MIPOL1: variants seen among roughly 807,000 people sequenced by gnomAD.
MIPOL1 encodes mirror-image polydactyly 1, also known as mirror-image polydactyly gene 1 protein.
MIPOL1 carries 57 observed loss-of-function variants against 60.9 expected under a neutral mutation model. The observed-to-expected ratio is 0.94, with a 90% confidence interval of 0.76 to 1.17. The LOEUF (loss-of-function observed/expected upper bound fraction) is 1.17, where lower values mean the gene tolerates loss of function less well. Ranked by LOEUF, MIPOL1 falls within the 50% of genes most tolerant of loss-of-function variation. The probability of loss-of-function intolerance (pLI) is 0.00; values close to 1 mark genes in which losing one functional copy is unlikely to be tolerated. For missense variants in MIPOL1, 551 were observed against 511.6 expected (o/e 1.08, Z -0.74); for synonymous variants, 179 against 168.8 (o/e 1.06, Z -0.47).
chr14:37,550,207 ATTTG>A lies in MIPOL1; in HGVS notation c.*3240_*3243del, dbSNP rs1341825142. On this transcript the variant is annotated 3_prime_UTR_variant, in exon 13 of 13. Transcript: ENST00000684589. ...TCTTATCAGGTTGCTTATTTATATA[ATTTG>A]TTTATTTTATTAAAAATCTAGAATA... 2 of 150,978 alleles carry A rather than the reference ATTTG, an allele frequency of 1.3e-5. No individual in the cohort carries two copies. The highest frequency in any genetic ancestry group is 4.8e-5 in the African/African-American group (2 of 41,304). The allele number at this position is 150,978 out of a possible 1,614,324, so 9.4% of individuals were successfully genotyped here. A position where few individuals can be genotyped will look rare whatever the true frequency, so the allele number is the denominator to read the frequency against.
intron 7 of MIPOL1, among the ~76,000 whole-genome samples, chr14:37,297,021 A>G (rs2085791933): frequency 6.6e-6 from 1 of 152,202 alleles, no homozygotes; most frequent in African/African-American, 2.4e-5. Flanking sequence ...ATTTTAGACC[A>G]ATATCCTTGA....
chr14:37,537,797 A>T (rs969473377), intron 12 of MIPOL1, among the ~76,000 whole-genome samples: 2 of 152,198 alleles, frequency 1.3e-5, no homozygotes, highest in Non-Finnish European at 2.9e-5. Flanking sequence ...ATTAAAATTA[A>T]ATTTAAAAAT....
intron 5 of MIPOL1, among the ~76,000 whole-genome samples, chr14:37,270,060 C>T (rs796485848): frequency 1.5e-4 from 23 of 152,198 alleles, no homozygotes; most frequent in African/African-American, 5.3e-4. Flanking sequence ...AACTCCTGAC[C>T]TCAGGTGATC....
chr14:37,297,048 A>C (rs899390069), intron 7 of MIPOL1, among the ~76,000 whole-genome samples: 1 of 152,192 alleles, frequency 6.6e-6, no homozygotes, highest in Non-Finnish European at 1.5e-5. Context: ...TTGATGCAAA[A>C]ATCCTCAATA....
intron 9 of MIPOL1, among the ~76,000 whole-genome samples, chr14:37,334,109 A>G (rs1475867493): frequency 6.6e-6 from 1 of 152,086 alleles, no homozygotes; most frequent in African/African-American, 2.4e-5. Flanking sequence ...GGAAATTTAG[A>G]AAAAATATAA....
chr14:37,426,595 A>ATATATATATATATG, intron 11 of MIPOL1, among the ~76,000 whole-genome samples: 1 of 124,782 alleles, frequency 8.0e-6, no homozygotes, highest in East Asian at 2.7e-4. Context: ...ATATATATAT[A>ATATATATATATATG]CACACACACA....
At chr14:37,379,076 A>G (rs1356650358) in intron 10 of MIPOL1, among the ~76,000 whole-genome samples, 1 of 152,124 alleles carries the variant, frequency 6.6e-6, no homozygotes, top group Non-Finnish European at 1.5e-5. Context: ...ACAAAGCTAC[A>G]GTAATCAAGA....
chr14:37,212,687 C>T (rs1306359086), intron 1 of MIPOL1, among the ~76,000 whole-genome samples: 1 of 152,172 alleles, frequency 6.6e-6, no homozygotes, highest in African/African-American at 2.4e-5. Flanking sequence ...GCTTTGCCTC[C>T]TGCTGACTGT....
chr14:37,293,363 C>A (rs1382628014), intron 7 of MIPOL1, among the ~76,000 whole-genome samples: 3 of 152,132 alleles, frequency 2.0e-5, no homozygotes, highest in African/African-American at 7.2e-5. Context: ...CAGCTCCAGT[C>A]TACAGCTCCC....
In MIPOL1 at chr14:37,342,317, T is replaced by G. The variant is rs551930026; in HGVS notation, c.829-27200T>G. Among the ~76,000 whole-genome samples, 9 of 151,620 alleles carry G rather than the reference T, an allele frequency of 5.9e-5. No homozygotes were observed. The East Asian group carries it at 1.6e-3, about 26-fold the overall frequency. Reference sequence around the variant, plus strand: ...CGGAGGTTGCAGTGAGCTGAGATTGTGCCATCGCCCTCCAGCCTGGGTGAC... The same window carrying G: ...CGGAGGTTGCAGTGAGCTGAGATTGGGCCATCGCCCTCCAGCCTGGGTGAC... On this transcript the variant is annotated intron_variant, in intron 9 of 12. Coordinates refer to ENST00000684589, the MANE Select transcript of MIPOL1 (RefSeq NM_001388067.1).
At chr14:37,216,156 T>C (rs1040603106) in intron 1 of MIPOL1, among the ~76,000 whole-genome samples, 2 of 149,178 alleles carry the variant, frequency 1.3e-5, no homozygotes, top group Non-Finnish European at 3.0e-5. Context: ...TCAGGCAAAA[T>C]AGATTTCAAG....
intron 12 of MIPOL1, among the ~76,000 whole-genome samples, chr14:37,513,619 A>G (rs929668489): frequency 6.6e-6 from 1 of 152,192 alleles, no homozygotes; most frequent in Non-Finnish European, 1.5e-5. Context: ...AGGCTAAAGA[A>G]GAAAAAGGGC....
At chr14:37,208,083 A>G (rs1385018505) in intron 1 of MIPOL1, among the ~76,000 whole-genome samples, 2 of 152,138 alleles carry the variant, frequency 1.3e-5, no homozygotes, top group Non-Finnish European at 2.9e-5. Context: ...TCTGATTCAG[A>G]TATTGGCTGC....
chr14:37,422,967 C>T lies in MIPOL1; in HGVS notation c.1031+18C>T, dbSNP rs1056444658. The T allele has an allele frequency of 4.0e-6, 6 of 1,490,414 alleles. No homozygotes were observed. The South Asian group carries it at 7.2e-5, about 18-fold the overall frequency. The allele number at this position is 1,490,414 out of a possible 1,614,324, so 92.3% of individuals were successfully genotyped here. ...TACTACAGGTAAAATTCTTTTTAGCCTGGGGTTAAGTAAATATTGTTAGTT... is the reference window on the plus strand; with the variant it reads ...TACTACAGGTAAAATTCTTTTTAGCTTGGGGTTAAGTAAATATTGTTAGTT... On this transcript the variant is annotated intron_variant, in intron 11 of 12. Transcript: ENST00000684589.
intron 12 of MIPOL1, among the ~76,000 whole-genome samples, chr14:37,524,467 G>A (rs944154141): frequency 6.6e-6 from 1 of 151,894 alleles, no homozygotes; most frequent in Non-Finnish European, 1.5e-5. Flanking sequence ...GAAATGGAAC[G>A]ACATCTTTAG....
chr14:37,432,247 G>C (rs957786364), intron 11 of MIPOL1, among the ~76,000 whole-genome samples: 1 of 152,192 alleles, frequency 6.6e-6, no homozygotes, highest in Non-Finnish European at 1.5e-5. Context: ...TATTCACAGT[G>C]GCTCTCTTGC....
chr14:37,219,916 A>G (rs1968458106), intron 1 of MIPOL1, among the ~76,000 whole-genome samples: 1 of 152,060 alleles, frequency 6.6e-6, no homozygotes, highest in South Asian at 2.1e-4. Flanking sequence ...TTTGAGTAAT[A>G]TCTTTGTTTT....
chr14:37,530,037 G>C (rs1434824372), intron 12 of MIPOL1, among the ~76,000 whole-genome samples: 1 of 152,168 alleles, frequency 6.6e-6, no homozygotes, highest in Admixed American at 6.5e-5. Context: ...TGGTGTTAGA[G>C]GTAAGAGTAC....
intron 11 of MIPOL1, among the ~76,000 whole-genome samples, chr14:37,478,996 C>T (rs979492166): frequency 6.6e-6 from 1 of 151,874 alleles, no homozygotes; most frequent in Non-Finnish European, 1.5e-5. Context: ...ATCAGAATAC[C>T]TAAATATATA....
Sources: gnomAD v4.1 joint callset for allele counts (sites outside exome capture counted in the v4.1 genomes callset) on GRCh38, gnomAD v4.1.1 for gene constraint, MANE v1.5 for transcripts, NCBI Gene and HGNC (gene_info 2026-07-23, HGNC 2026-07-21) for gene names.